The following MSRA variants were observed in gnomAD, a reference collection of about 807,000 sequenced individuals.
MSRA encodes mitochondrial peptide methionine sulfoxide reductase.
A neutral mutation model predicts 31.3 loss-of-function variants in MSRA; 54 were observed. The observed-to-expected ratio is 1.73, with a 90% CI of 1.39 to 2.17. The LOEUF (loss-of-function observed/expected upper bound fraction) is 2.17, where lower values mean the gene tolerates loss of function less well. MSRA is among the 30% of genes most tolerant of loss of function. The pLI, the probability that MSRA is intolerant of heterozygous loss-of-function variation, is 0.00. For synonymous variants in MSRA, 169 were observed against 116.5 expected (o/e 1.45, Z -2.90); for missense variants, 507 against 300.9 (o/e 1.69, Z -5.07).
At chr8:10,204,501 G>A (rs1397984745) in intron 1 of MSRA, among the ~76,000 whole-genome samples, 1 of 151,954 alleles carries the variant, frequency 6.6e-6, no homozygotes, top group Non-Finnish European at 1.5e-5. Flanking sequence ...ACTTATCATT[G>A]TATTACAGTT....
At chr8:10,205,250 C>T (rs575942562) in intron 1 of MSRA, among the ~76,000 whole-genome samples, 18 of 151,134 alleles carry the variant, frequency 1.2e-4, no homozygotes, top group African/African-American at 2.2e-4. Flanking sequence ...TGTCGGAGTC[C>T]GGAAAAAGGG....
At chr8:10,351,851 T>A (rs1804171749) in intron 5 of MSRA, among the ~76,000 whole-genome samples, 1 of 152,218 alleles carries the variant, frequency 6.6e-6, no homozygotes, top group Non-Finnish European at 1.5e-5. Context: ...CTTTTCCTAA[T>A]AAACTCCCAG....
rs1020135995 is a variant in MSRA, at chr8:10,256,795, T to A, written c.331+11572T>A. 2.6e-5 allele frequency among the ~76,000 whole-genome samples: 4 copies of A among 152,166 alleles called. No homozygotes were observed. In the East Asian group the frequency reaches 7.7e-4, roughly 29 times the overall value. ...CCCCCCGAGGCGAAGCTATAGTCTC[T>A]GACCCCCTGAGTTTCAGCCCAGTGG... On this transcript the variant is annotated intron_variant, in intron 3 of 5. Coordinates refer to ENST00000317173, the MANE Select transcript of MSRA (RefSeq NM_012331.5).
intron 5 of MSRA, among the ~76,000 whole-genome samples, chr8:10,409,601 C>T (rs1275080331): frequency 6.6e-6 from 1 of 152,208 alleles, no homozygotes; most frequent in African/African-American, 2.4e-5. Context: ...ATGAGGATAA[C>T]ATCAGACAGC....
At chr8:10,402,697 G>T (rs1450566512) in intron 5 of MSRA, among the ~76,000 whole-genome samples, 1 of 152,190 alleles carries the variant, frequency 6.6e-6, no homozygotes, top group Non-Finnish European at 1.5e-5. Context: ...ATTGGGAAAT[G>T]CCCTTTGGGT....
chr8:10,057,819 G>A (rs1225351133), intron 1 of MSRA, among the ~76,000 whole-genome samples: 1 of 152,168 alleles, frequency 6.6e-6, no homozygotes, highest in African/African-American at 2.4e-5. Flanking sequence ...CATGCTTTCT[G>A]TACAGGCTGT....
chr8:10,234,891 T>C (rs1045249210), intron 2 of MSRA, among the ~76,000 whole-genome samples: 72 of 152,182 alleles, frequency 4.7e-4, no homozygotes, highest in Admixed American at 1.6e-3. Flanking sequence ...ATAAGACTTG[T>C]GTATGCTAAT....
chr8:10,248,405 C>T (rs184483551), intron 3 of MSRA, among the ~76,000 whole-genome samples: 1 of 152,242 alleles, frequency 6.6e-6, no homozygotes, highest in Admixed American at 6.5e-5. Flanking sequence ...GCCAGCTTTA[C>T]CACCGCTCTG....
intron 5 of MSRA, among the ~76,000 whole-genome samples, chr8:10,426,197 C>T (rs1224917238): frequency 6.6e-6 from 1 of 152,192 alleles, no homozygotes; most frequent in African/African-American, 2.4e-5. Context: ...CGTGCTCATT[C>T]TTAGAGAGGT....
At chr8:10,373,703 C>T (rs1805602418) in intron 5 of MSRA, among the ~76,000 whole-genome samples, 3 of 152,220 alleles carry the variant, frequency 2.0e-5, no homozygotes, top group Admixed American at 6.5e-5. Flanking sequence ...CAGGGGGCAA[C>T]ACCAGGAGTG....
chr8:10,232,463 G>A (rs1415846604), intron 2 of MSRA, among the ~76,000 whole-genome samples: 1 of 152,208 alleles, frequency 6.6e-6, no homozygotes, highest in East Asian at 1.9e-4. Flanking sequence ...CATAGGACAT[G>A]TCAGATCTGG....
At chr8:10,382,978 G>T (rs2129175451) in intron 5 of MSRA, among the ~76,000 whole-genome samples, 1 of 152,352 alleles carries the variant, frequency 6.6e-6, no homozygotes, top group Middle Eastern at 3.4e-3. Context: ...TGCTGGATGT[G>T]AGAGGACAAT....
At chr8:10,220,013 T>C (rs138563282) in intron 2 of MSRA, among the ~76,000 whole-genome samples, 469 of 152,072 alleles carry the variant, frequency 3.1e-3, no homozygotes, top group Middle Eastern at 0.014. Flanking sequence ...GGTTGAACCA[T>C]GTGGAGAAAC....
chr8:10,352,451 G>C (rs1279508947), intron 5 of MSRA, among the ~76,000 whole-genome samples: 1 of 152,186 alleles, frequency 6.6e-6, no homozygotes, highest in Non-Finnish European at 1.5e-5. Context: ...AGAGGAGGCA[G>C]GGAGGGCAGA....
chr8:10,421,496 G>A (rs1346945884), intron 5 of MSRA, among the ~76,000 whole-genome samples: 1 of 151,866 alleles, frequency 6.6e-6, no homozygotes, highest in African/African-American at 2.4e-5. Flanking sequence ...TTCCCAGGGT[G>A]GTATGAGAGC....
intron 4 of MSRA, among the ~76,000 whole-genome samples, chr8:10,316,916 G>A (rs568668954): frequency 3.4e-4 from 51 of 152,186 alleles, no homozygotes; most frequent in Admixed American, 9.2e-4. Flanking sequence ...AGGCCACCCC[G>A]AAGCAGCACC....
chr8:10,077,015 C>T (rs1253255276), intron 1 of MSRA, among the ~76,000 whole-genome samples: 1 of 145,516 alleles, frequency 6.9e-6, no homozygotes, highest in East Asian at 2.0e-4. Context: ...TGTAATAAAC[C>T]TGCACATCCT....
intron 1 of MSRA, among the ~76,000 whole-genome samples, chr8:10,171,318 A>T (rs1238811960): frequency 6.6e-6 from 1 of 151,486 alleles, no homozygotes; most frequent in African/African-American, 2.4e-5. Context: ...TCCTGAAAAA[A>T]GTAGTGACAG....
chr8:10,128,348 C>T (rs1377354438), intron 1 of MSRA, among the ~76,000 whole-genome samples: 2 of 151,526 alleles, frequency 1.3e-5, no homozygotes, highest in Non-Finnish European at 2.9e-5. Context: ...CATTGCACTC[C>T]AGCCTGGGCG....
Sources: allele counts gnomAD v4.1 joint callset (sites outside exome capture counted in the v4.1 genomes callset), GRCh38; gene constraint gnomAD v4.1.1; transcripts MANE v1.5; gene names NCBI Gene and HGNC (gene_info 2026-07-23, HGNC 2026-07-21).